RABEP1: variants seen among roughly 807,000 people sequenced by gnomAD.
The protein encoded by RABEP1 is rabaptin, RAB GTPase binding effector protein 1.
Under a neutral mutation model 123.4 loss-of-function variants are expected in RABEP1, and 51 were observed. That is an observed-to-expected ratio of 0.41 (90% confidence interval 0.33 to 0.52). RABEP1 has a LOEUF of 0.52. Among genes scored for constraint, RABEP1 ranks in the 20% least tolerant of loss-of-function variants. The pLI is 0.16. For synonymous variants in RABEP1, 347 were observed against 355.2 expected, an observed-to-expected ratio of 0.98 and a Z score of 0.26; for missense variants, 888 against 996.3, an observed-to-expected ratio of 0.89 and a Z score of 1.46.
intron 5 of RABEP1, among the ~76,000 whole-genome samples, chr17:5,340,948 CAAA>C (rs61580974): frequency 2.1e-4 from 25 of 117,912 alleles, no homozygotes. Context: ...AACTCCGTCT[CAAA>C]AAAAAAAAAA....
At chr17:5,361,911 C>T (rs1909583473) in intron 9 of RABEP1, 1 of 472,800 alleles carries the variant, frequency 2.1e-6, no homozygotes, top group Non-Finnish European at 3.8e-6. Context: ...AACCTCCCCA[C>T]CTGAACTCAC....
At chr17:5,311,708 A>AC (rs1486496830) in intron 2 of RABEP1, among the ~76,000 whole-genome samples, 1 of 151,140 alleles carries the variant, frequency 6.6e-6, no homozygotes, top group Admixed American at 6.6e-5. Context: ...AAAAAAAAAA[A>AC]AAAAAAAAAA....
In RABEP1 at chr17:5,385,172, T is replaced by C. The variant is rs1806220; in HGVS notation, c.*1949T>C. ...TGTAGAAAAACCCAAACTGAGACTC[T>C]TAAGTTTTGTTTAGCAATGTGTTTC... is the stretch of plus-strand genomic sequence containing the variant. On this transcript the variant is annotated 3_prime_UTR_variant, in exon 18 of 18. Coordinates refer to ENST00000537505, the MANE Select transcript of RABEP1 (RefSeq NM_004703.6). 4,624 of 229,902 alleles carry C rather than the reference T, an allele frequency of 0.02. 61 individuals carry two copies. The highest frequency in any genetic ancestry group is 0.043 in the Middle Eastern group (33 of 772). The allele number at this position is 229,902 out of a possible 1,614,324, so 14.2% of individuals were successfully genotyped here. A position where few individuals can be genotyped will look rare whatever the true frequency, so the allele number is the denominator to read the frequency against.
chr17:5,354,336 A>T, intron 7 of RABEP1, 23 bp from the exon 8 acceptor site: 2 of 1,593,170 alleles, frequency 1.3e-6, no homozygotes, highest in Non-Finnish European at 1.7e-6. Flanking sequence ...TGGGTCATAT[A>T]TATGTTTTTT....
At chr17:5,358,563 A>C (rs919843576) in intron 8 of RABEP1, among the ~76,000 whole-genome samples, 1 of 151,842 alleles carries the variant, frequency 6.6e-6, no homozygotes, top group African/African-American at 2.4e-5. Flanking sequence ...CCAGCTACTC[A>C]CTGTGGCTGA....
In RABEP1 at chr17:5,340,182, T is replaced by C. The variant is rs1907464674; in HGVS notation, c.648+2044T>C. ...TTTAGTTGTAATTGACACACAGAAC[T>C]CGGTATCCAAGAGTGAGATGGTATC... On this transcript the variant is annotated intron_variant, in intron 5 of 17. Coordinates refer to ENST00000537505, the MANE Select transcript of RABEP1 (RefSeq NM_004703.6). 2.0e-5 allele frequency among the ~76,000 whole-genome samples: 3 copies of C among 152,188 alleles called. No individual in the cohort carries two copies. In the South Asian group the frequency reaches 6.2e-4, roughly 32 times the overall value.
In RABEP1 at chr17:5,384,772, T is replaced by C. The variant is rs1911806563; in HGVS notation, c.*1549T>C. 4.7e-6 allele frequency: 1 copy of C among 213,928 alleles called. No homozygotes were observed. The highest frequency in any genetic ancestry group is 1.9e-4 in the South Asian group (1 of 5,338). 13.3% of individuals were successfully genotyped at this position (213,928 alleles called of 1,614,324 possible). A position where few individuals can be genotyped will look rare whatever the true frequency, so the allele number is the denominator to read the frequency against. ...TGCCGCACATGAAACATTATTTTAA[T>C]TGGTTTAAAGTCCCTTTATAAAGAG... On this transcript the variant is annotated 3_prime_UTR_variant, in exon 18 of 18. Coordinates refer to ENST00000537505, the MANE Select transcript of RABEP1 (RefSeq NM_004703.6).
chr17:5,368,939 T>G (rs1396842870), intron 12 of RABEP1, among the ~76,000 whole-genome samples: 2 of 152,084 alleles, frequency 1.3e-5, no homozygotes. Context: ...AAACCCCATC[T>G]GTACTAAAAA....
At chr17:5,356,061 G>T (rs537778977) in intron 8 of RABEP1, among the ~76,000 whole-genome samples, 1 of 152,184 alleles carries the variant, frequency 6.6e-6, no homozygotes, top group South Asian at 2.1e-4. Flanking sequence ...TAACAGATCC[G>T]TAGACTTTCA....
chr17:5,317,384 A>G (rs1416883801), intron 2 of RABEP1, among the ~76,000 whole-genome samples: 1 of 152,200 alleles, frequency 6.6e-6, no homozygotes, highest in Non-Finnish European at 1.5e-5. Context: ...GTTACATGAT[A>G]AAAACACTAA....
chr17:5,350,683 A>G (rs946325773), intron 7 of RABEP1, 54 bp downstream of exon 7: 44 of 1,564,994 alleles, frequency 2.8e-5, no homozygotes, highest in African/African-American at 2.3e-4. Flanking sequence ...CCCCCACCAC[A>G]TGTGATTGCA....
At chr17:5,356,271 G>C (rs149954490) in intron 8 of RABEP1, among the ~76,000 whole-genome samples, 76 of 152,238 alleles carry the variant, frequency 5.0e-4, no homozygotes, top group African/African-American at 1.7e-3. Flanking sequence ...CATGAGAATT[G>C]TTTGAACCCG....
intron 17 of RABEP1, among the ~76,000 whole-genome samples, chr17:5,382,743 C>T (rs927791264): frequency 6.6e-6 from 1 of 151,818 alleles, no homozygotes; most frequent in Non-Finnish European, 1.5e-5. Context: ...CGGAGCAATA[C>T]TCCATCTGGA....
intron 10 of RABEP1, among the ~76,000 whole-genome samples, chr17:5,364,657 C>CA (rs1296439797): frequency 6.8e-6 from 1 of 147,792 alleles, no homozygotes; most frequent in African/African-American, 2.5e-5. Flanking sequence ...CCTTGAACCC[C>CA]AGGAGGTGGA....
At chr17:5,375,404 A>G (rs971129448) in intron 13 of RABEP1, among the ~76,000 whole-genome samples, 7 of 152,042 alleles carry the variant, frequency 4.6e-5, no homozygotes, top group Admixed American at 4.6e-4. Context: ...AAAAGAAGGT[A>G]TCGGGGGCAG....
intron 7 of RABEP1, 27 bp downstream of exon 7, chr17:5,350,656 T>G (rs1244259163): frequency 6.2e-7 from 1 of 1,610,882 alleles, no homozygotes. Flanking sequence ...AGGACTGATT[T>G]GCTTTGTCAG....
At chr17:5,320,392 C>A in intron 2 of RABEP1, among the ~76,000 whole-genome samples, 1 of 111,304 alleles carries the variant, frequency 9.0e-6, no homozygotes, top group Non-Finnish European at 1.7e-5. Flanking sequence ...GGAGTTCTTC[C>A]ATTTGAAATT....
chr17:5,312,600 A>T (rs895152536), intron 2 of RABEP1, among the ~76,000 whole-genome samples: 17 of 152,174 alleles, frequency 1.1e-4, no homozygotes, highest in African/African-American at 4.1e-4. Flanking sequence ...CATGGCTTTC[A>T]GGAGGGCTGT....
chr17:5,375,406 C>T (rs1325527290), intron 13 of RABEP1, among the ~76,000 whole-genome samples: 3 of 151,896 alleles, frequency 2.0e-5, no homozygotes, highest in East Asian at 1.9e-4. Flanking sequence ...AAGAAGGTAT[C>T]GGGGGCAGGG....
Sources: gnomAD v4.1 joint callset for allele counts (sites outside exome capture counted in the v4.1 genomes callset) on GRCh38, gnomAD v4.1.1 for gene constraint, MANE v1.5 for transcripts, NCBI Gene and HGNC (gene_info 2026-07-23, HGNC 2026-07-21) for gene names.